The following RNF150 variants were observed in gnomAD, a reference collection of about 807,000 sequenced individuals.
The protein encoded by RNF150 is ring finger protein 150.
In RNF150, 24 loss-of-function variants were observed where a neutral mutation model predicts 39.3. That is an observed-to-expected ratio of 0.61 (90% CI 0.44 to 0.86). The LOEUF (loss-of-function observed/expected upper bound fraction) is 0.86. Ranked by LOEUF, RNF150 falls within the 40% of genes least tolerant of loss-of-function variation. The pLI is 0.00. For synonymous variants in RNF150, 255 were observed against 227.3 expected (o/e 1.12, Z -1.10); for missense variants, 502 against 587.8 (o/e 0.85, Z 1.51).
intron 4 of RNF150, among the ~76,000 whole-genome samples, chr4:140,930,911 A>ATGGAAAGGCCG (rs6148697): frequency 0.98 from 149,130 of 151,968 alleles, 73,249 homozygotes; most frequent in East Asian, 1. Context: ...GTTAACGACA[A>ATGGAAAGGCCG]TGGAAAGGTT....
intron 1 of RNF150, among the ~76,000 whole-genome samples, chr4:140,999,817 C>T (rs1734507976): frequency 6.6e-6 from 1 of 151,326 alleles, no homozygotes; most frequent in African/African-American, 2.4e-5. Flanking sequence ...TACCTGTAAT[C>T]CCAGCTACTC....
intron 1 of RNF150, among the ~76,000 whole-genome samples, chr4:141,198,033 C>CTT (rs143206387): frequency 7.2e-6 from 1 of 139,456 alleles, no homozygotes; most frequent in African/African-American, 2.7e-5. Context: ...TAGACCACTC[C>CTT]TTTTTTTTTT....
At chr4:141,004,229 TAA>T (rs11413709) in intron 1 of RNF150, among the ~76,000 whole-genome samples, 5 of 129,568 alleles carry the variant, frequency 3.9e-5, no homozygotes, top group East Asian at 4.6e-4. Context: ...CAGATGTTAG[TAA>T]AAAAAAAAAA....
At chr4:141,169,243 C>A (rs1727659818) in intron 1 of RNF150, among the ~76,000 whole-genome samples, 2 of 151,940 alleles carry the variant, frequency 1.3e-5, no homozygotes, top group Admixed American at 1.3e-4. Context: ...CCCCTTTTTT[C>A]TTCTTCCTGC....
intron 1 of RNF150, among the ~76,000 whole-genome samples, chr4:141,155,811 C>T (rs539222988): frequency 2.6e-5 from 4 of 152,186 alleles, no homozygotes; most frequent in South Asian, 2.1e-4. Flanking sequence ...ATTGTTGTGC[C>T]GAAACCACAA....
chr4:140,917,843 C>T (rs1730907779), intron 5 of RNF150, among the ~76,000 whole-genome samples: 1 of 151,600 alleles, frequency 6.6e-6, no homozygotes, highest in Non-Finnish European at 1.5e-5. Context: ...CAAACTGTCT[C>T]TCAGACCACA....
chr4:140,885,581 C>G (rs9799616), intron 6 of RNF150, among the ~76,000 whole-genome samples: 20,274 of 151,196 alleles, frequency 0.13, 1,655 homozygotes, highest in East Asian at 0.38. Flanking sequence ...GGATTACAGG[C>G]ATGCACCACT....
intron 1 of RNF150, among the ~76,000 whole-genome samples, chr4:141,039,511 T>C (rs966895202): frequency 4.6e-5 from 7 of 152,070 alleles, no homozygotes; most frequent in African/African-American, 1.7e-4. Context: ...GCCATACATT[T>C]AGGAACTGAG....
chr4:141,171,460 AAGAGAGAGAGAGAG>A (rs67118049), intron 1 of RNF150, among the ~76,000 whole-genome samples: 17 of 148,820 alleles, frequency 1.1e-4, no homozygotes, highest in African/African-American at 2.7e-4. Flanking sequence ...GACAGACAGA[AAGAGAGAGAGAGAG>A]AGAGAGAGAG....
chr4:141,098,223 T>C (rs766236952), intron 1 of RNF150, among the ~76,000 whole-genome samples: 1 of 152,224 alleles, frequency 6.6e-6, no homozygotes, highest in Non-Finnish European at 1.5e-5. Flanking sequence ...GGTAATATAA[T>C]AATGTGATAA....
At chr4:141,100,396 T>C (rs1488824254) in intron 1 of RNF150, among the ~76,000 whole-genome samples, 2 of 152,166 alleles carry the variant, frequency 1.3e-5, no homozygotes, top group Non-Finnish European at 2.9e-5. Context: ...AAAAAAATAA[T>C]ATTCTTCCTT....
intron 1 of RNF150, among the ~76,000 whole-genome samples, chr4:141,106,967 T>C (rs1047129041): frequency 6.6e-6 from 1 of 152,134 alleles, no homozygotes; most frequent in African/African-American, 2.4e-5. Flanking sequence ...TAGTATAATC[T>C]TAGAGTATAA....
At chr4:140,881,893 G>A (rs1729387211) in intron 6 of RNF150, among the ~76,000 whole-genome samples, 1 of 151,840 alleles carries the variant, frequency 6.6e-6, no homozygotes, top group East Asian at 1.9e-4. Flanking sequence ...TAAAAAAAGA[G>A]GATGTTGTTT....
intron 1 of RNF150, among the ~76,000 whole-genome samples, chr4:141,195,949 G>C (rs927564020): frequency 6.6e-6 from 1 of 152,144 alleles, no homozygotes; most frequent in Non-Finnish European, 1.5e-5. Context: ...CAGAAAGGGG[G>C]CATGTGGACA....
intron 1 of RNF150, among the ~76,000 whole-genome samples, chr4:141,205,313 G>C (rs892272623): frequency 6.6e-6 from 1 of 151,984 alleles, no homozygotes; most frequent in East Asian, 1.9e-4. Flanking sequence ...ATAAACTTGA[G>C]GACCTAAGAT....
rs780868429 is a variant in RNF150, at chr4:141,096,190, C to CTTTT, written c.484+36131_484+36134dup. 8.0e-3 allele frequency among the ~76,000 whole-genome samples: 546 copies of CTTTT among 67,844 alleles called. 29 individuals are homozygous for CTTTT. Among genetic ancestry groups the CTTTT allele is most frequent in the East Asian group, 0.013 (21 of 1,624 alleles). The allele number at this position is 67,844 out of a possible 152,430, so 44.5% of individuals were successfully genotyped here. ...AATACCAAGGAGAGTTTTTAGCTTT[C>CTTTT]TTTTTTTTTTTTTTTTTTTTTTTTT... is the stretch of plus-strand genomic sequence containing the variant. On this transcript the variant is annotated intron_variant, in intron 1 of 6. Coordinates refer to ENST00000515673, the MANE Select transcript of RNF150 (RefSeq NM_020724.2).
intron 1 of RNF150, among the ~76,000 whole-genome samples, chr4:141,078,272 A>G (rs1458210800): frequency 2.6e-5 from 4 of 152,172 alleles, no homozygotes; most frequent in Non-Finnish European, 5.9e-5. Flanking sequence ...AGGGACTTCA[A>G]TGAATAAAAG....
intron 4 of RNF150, among the ~76,000 whole-genome samples, chr4:140,928,694 C>A (rs180894386): frequency 6.6e-6 from 1 of 152,232 alleles, no homozygotes; most frequent in East Asian, 1.9e-4. Context: ...CTACAGGCGC[C>A]TGCCACCACG....
intron 1 of RNF150, among the ~76,000 whole-genome samples, chr4:140,981,411 T>C (rs1022694065): frequency 4.3e-4 from 65 of 152,162 alleles, no homozygotes; most frequent in African/African-American, 1.5e-3. Flanking sequence ...GAAATAAAAT[T>C]TGTGTACACT....
Sources: allele counts gnomAD v4.1 joint callset (sites outside exome capture counted in the v4.1 genomes callset), GRCh38; gene constraint gnomAD v4.1.1; transcripts MANE v1.5; gene names NCBI Gene and HGNC (gene_info 2026-07-23, HGNC 2026-07-21).